The following L3MBTL4 variants were observed in gnomAD, a reference collection of about 807,000 sequenced individuals.
L3MBTL4 encodes L3MBTL histone methyl-lysine binding protein 4, also known as lethal(3)malignant brain tumor-like protein 4.
L3MBTL4 carries 70 observed loss-of-function variants against 84.5 expected under a neutral mutation model. The observed-to-expected ratio is 0.83, with a 90% CI of 0.68 to 1.01. The LOEUF (loss-of-function observed/expected upper bound fraction) is 1.01. Among genes scored for constraint, L3MBTL4 ranks in the 50% least tolerant of loss-of-function variants. L3MBTL4 has a pLI of 0.00. For missense variants in L3MBTL4, 715 were observed against 754.8 expected (o/e 0.95, Z 0.62); for synonymous variants, 274 against 259.8 (o/e 1.05, Z -0.52).
At chr18:6,272,841 T>C (rs73941303) in intron 4 of L3MBTL4, among the ~76,000 whole-genome samples, 3,872 of 68,226 alleles carry the variant, frequency 0.057, 190 homozygotes, top group Admixed American at 0.12. Context: ...TTCTACAGAG[T>C]GGTGCCTTCA....
At chr18:6,007,314 C>T (rs2054533177) in intron 16 of L3MBTL4, among the ~76,000 whole-genome samples, 1 of 117,134 alleles carries the variant, frequency 8.5e-6, no homozygotes, top group African/African-American at 2.7e-5. Flanking sequence ...ACACAAATGA[C>T]CCTTAAACAT....
chr18:5,964,061 T>C (rs572340), intron 17 of L3MBTL4, among the ~76,000 whole-genome samples: 26,224 of 152,198 alleles, frequency 0.17, 2,792 homozygotes, highest in African/African-American at 0.3. Context: ...GGCTGCCATG[T>C]GGGTGTCTCC....
rs2054775560 is a variant in L3MBTL4 at position 6,012,321 on chromosome 18, T to C, written c.1445-42759A>G. On this transcript the variant is annotated intron_variant, in intron 16 of 18. Transcript: ENST00000317931. ...TGTTTGCCAACTGATGAAATAAATA[T>C]CAACGAGGAGAAAAATCTCTTAGGA... Among the ~76,000 whole-genome samples the C allele has an allele frequency of 2.0e-5, 3 of 152,166 alleles. No individual in the cohort carries two copies. In the South Asian group the frequency reaches 6.2e-4, roughly 32 times the overall value.
chr18:5,990,646 A>C (rs1339570240), intron 16 of L3MBTL4, among the ~76,000 whole-genome samples: 1 of 152,238 alleles, frequency 6.6e-6, no homozygotes, highest in African/African-American at 2.4e-5. Context: ...ATTGAGTCCC[A>C]TGTTTCCTCT....
intron 16 of L3MBTL4, among the ~76,000 whole-genome samples, chr18:6,025,875 T>G (rs1169098153): frequency 1.3e-5 from 2 of 152,252 alleles, no homozygotes; most frequent in Admixed American, 1.3e-4. Flanking sequence ...GCTCACTTCC[T>G]GCTGCGCAGC....
Position 5,969,569 on chromosome 18 carries a change from G to C in L3MBTL4, c.1445-7C>G. On this transcript the variant is annotated splice_region_variant and splice_polypyrimidine_tract_variant and intron_variant, in intron 16 of 18. Coordinates refer to ENST00000317931, the MANE Select transcript of L3MBTL4 (RefSeq NM_001330559.2). ...GCCTGCTCCACCGAGTATTCTGTAA[G>C]AGAGGTGGGGTGGGGTGAGGCTCAG... is the stretch of plus-strand genomic sequence containing the variant. 6.3e-7 allele frequency: 1 copy of C among 1,585,690 alleles called. No individual in the cohort carries two copies. Among genetic ancestry groups the C allele is most frequent in the South Asian group, 1.2e-5 (1 of 86,282 alleles).
At chr18:5,984,355 T>C (rs1240193114) in intron 16 of L3MBTL4, among the ~76,000 whole-genome samples, 2 of 152,260 alleles carry the variant, frequency 1.3e-5, no homozygotes, top group African/African-American at 2.4e-5. Context: ...CCATACTTTA[T>C]TGTAGAATAT....
chr18:6,044,727 G>A (rs2056542620), intron 16 of L3MBTL4, among the ~76,000 whole-genome samples: 1 of 152,154 alleles, frequency 6.6e-6, no homozygotes, highest in Non-Finnish European at 1.5e-5. Context: ...GAGAGCTGTG[G>A]GAATAAGCAC....
chr18:6,094,648 C>T (rs2058571913), intron 14 of L3MBTL4, among the ~76,000 whole-genome samples: 1 of 152,168 alleles, frequency 6.6e-6, no homozygotes, highest in African/African-American at 2.4e-5. Context: ...ATTCTGAATA[C>T]ATGAAAGCTT....
intron 16 of L3MBTL4, among the ~76,000 whole-genome samples, chr18:6,020,830 T>C (rs2055215961): frequency 6.6e-6 from 1 of 152,126 alleles, no homozygotes; most frequent in Non-Finnish European, 1.5e-5. Context: ...ACTAGTTTCA[T>C]ATGTCTGGGG....
chr18:6,376,529 A>C (rs567402462), intron 1 of L3MBTL4, among the ~76,000 whole-genome samples: 1 of 152,282 alleles, frequency 6.6e-6, no homozygotes, highest in Admixed American at 6.5e-5. Flanking sequence ...GCTTGGGACC[A>C]GGAGTTTCAG....
chr18:6,338,017 A>C (rs2052426634), intron 1 of L3MBTL4, among the ~76,000 whole-genome samples: 1 of 152,126 alleles, frequency 6.6e-6, no homozygotes, highest in African/African-American at 2.4e-5. Flanking sequence ...GTGTTTTAAA[A>C]CAAACCAAAA....
chr18:6,299,371 T>A lies in L3MBTL4; in HGVS notation c.127+2532A>T, dbSNP rs374531090. On this transcript the variant is annotated intron_variant, in intron 4 of 18. Transcript: ENST00000317931. ...CATCAAGATTCTAGTTTTCTCTGCC[T>A]TTGTGTTAATAGCTACAAAGAAAGA... Among the ~76,000 whole-genome samples, 8 of 152,316 alleles carry A rather than the reference T, an allele frequency of 5.3e-5. No individual in the cohort carries two copies. In the East Asian group the frequency reaches 5.8e-4, roughly 11 times the overall value.
intron 3 of L3MBTL4, among the ~76,000 whole-genome samples, chr18:6,304,408 GTAGCATTCTGC>G (rs1815150127): frequency 1.3e-5 from 2 of 152,248 alleles, no homozygotes; most frequent in African/African-American, 4.8e-5. Flanking sequence ...AATTAACAAA[GTAGCATTCTGC>G]TAAAATGTAC....
chr18:6,001,192 C>G (rs1019806719), intron 16 of L3MBTL4, among the ~76,000 whole-genome samples: 2 of 152,206 alleles, frequency 1.3e-5, no homozygotes, highest in African/African-American at 4.8e-5. Flanking sequence ...AAGGTGCAGG[C>G]CAGAGGCCTT....
intron 16 of L3MBTL4, among the ~76,000 whole-genome samples, chr18:6,041,382 T>C (rs1025664725): frequency 1.3e-5 from 2 of 151,916 alleles, no homozygotes; most frequent in Non-Finnish European, 2.9e-5. Context: ...GGGTCTTCAA[T>C]GGACTGGCCC....
intron 10 of L3MBTL4, among the ~76,000 whole-genome samples, chr18:6,236,216 A>C (rs548886663): frequency 3.7e-4 from 56 of 152,370 alleles, no homozygotes; most frequent in African/African-American, 1.3e-3. Flanking sequence ...TAATCAAAGC[A>C]TGATACTGGT....
intron 14 of L3MBTL4, among the ~76,000 whole-genome samples, chr18:6,110,296 C>T (rs965908433): frequency 6.6e-6 from 1 of 152,168 alleles, no homozygotes; most frequent in Non-Finnish European, 1.5e-5. Context: ...TTTACACACA[C>T]ATACACATAC....
intron 16 of L3MBTL4, among the ~76,000 whole-genome samples, chr18:5,982,544 C>T (rs1416843777): frequency 6.6e-6 from 1 of 152,188 alleles, no homozygotes. Flanking sequence ...CACTCAGAAG[C>T]CTGGGTTTCA....
Sources: gnomAD v4.1 joint callset for allele counts (sites outside exome capture counted in the v4.1 genomes callset) on GRCh38, gnomAD v4.1.1 for gene constraint, MANE v1.5 for transcripts, NCBI Gene and HGNC (gene_info 2026-07-23, HGNC 2026-07-21) for gene names.